The following CNTN5 variants were observed in gnomAD, a reference collection of about 807,000 sequenced individuals.
The protein encoded by CNTN5 is contactin 5.
Under a neutral mutation model 129.1 loss-of-function variants are expected in CNTN5, and 77 were observed. That is an observed-to-expected ratio of 0.60 (90% CI 0.50 to 0.72). The LOEUF (loss-of-function observed/expected upper bound fraction) is 0.72, where lower values mean the gene tolerates loss of function less well. CNTN5 is among the 30% of genes least tolerant of loss of function. The pLI, the probability that CNTN5 is intolerant of heterozygous loss-of-function variation, is 0.00. For missense variants in CNTN5, 1,478 were observed against 1,328.8 expected (o/e 1.11, Z -1.75); for synonymous variants, 509 against 465.6 (o/e 1.09, Z -1.20).
intron 3 of CNTN5, among the ~76,000 whole-genome samples, chr11:99,610,319 G>T (rs1950556740): frequency 6.6e-6 from 1 of 152,102 alleles, no homozygotes; most frequent in African/African-American, 2.4e-5. Context: ...TGGCCCTGAT[G>T]CATCATATTC....
intron 1 of CNTN5, among the ~76,000 whole-genome samples, chr11:99,182,949 A>C (rs1591324184): frequency 6.6e-6 from 1 of 152,182 alleles, no homozygotes; most frequent in East Asian, 1.9e-4. Flanking sequence ...TTAATAGTTT[A>C]TTAGTAGATA....
intron 4 of CNTN5, among the ~76,000 whole-genome samples, chr11:99,843,983 G>A (rs1198159311): frequency 6.6e-6 from 1 of 152,116 alleles, no homozygotes; most frequent in Non-Finnish European, 1.5e-5. Context: ...CTGTACATTT[G>A]CTCATCATTT....
intron 9 of CNTN5, among the ~76,000 whole-genome samples, chr11:100,028,666 T>G (rs967302631): frequency 2.6e-5 from 4 of 152,210 alleles, no homozygotes; most frequent in African/African-American, 4.8e-5. Context: ...GCCCTTCAGC[T>G]TTTCATGGTG....
intron 8 of CNTN5, among the ~76,000 whole-genome samples, chr11:99,986,030 T>C (rs1938651811): frequency 6.6e-6 from 1 of 152,192 alleles, no homozygotes; most frequent in Non-Finnish European, 1.5e-5. Flanking sequence ...TGAAAGCCTC[T>C]TTTCCATTCA....
chr11:100,139,327 C>G (rs1335178192), intron 13 of CNTN5, among the ~76,000 whole-genome samples: 1 of 151,938 alleles, frequency 6.6e-6, no homozygotes, highest in Non-Finnish European at 1.5e-5. Flanking sequence ...ATAAAAATAT[C>G]AGAAAAAGAA....
In CNTN5 at chr11:99,854,540, A is replaced by G. The variant is rs547522844; in HGVS notation, c.577+9278A>G. Among the ~76,000 whole-genome samples, 77 of 152,304 alleles carry G rather than the reference A, an allele frequency of 5.1e-4. 2 individuals carry two copies. The South Asian group carries it at 0.016, about 31-fold the overall frequency. The stretch of plus-strand genomic sequence containing the variant: ...AATGAATAGGTGGTGGTGGGAGTAT[A>G]AAAACATATGGAGGAGTTAGAATGA... On this transcript the variant is annotated intron_variant, in intron 6 of 24. Transcript: ENST00000524871.
At chr11:99,797,486 A>G (rs1945982536) in intron 3 of CNTN5, among the ~76,000 whole-genome samples, 1 of 152,096 alleles carries the variant, frequency 6.6e-6, no homozygotes, top group Non-Finnish European at 1.5e-5. Context: ...CTTGTGTGAG[A>G]TGGTGTTTCA....
intron 6 of CNTN5, among the ~76,000 whole-genome samples, chr11:99,857,954 AAATG>A (rs1478952702): frequency 1.3e-5 from 2 of 152,132 alleles, no homozygotes; most frequent in African/African-American, 4.8e-5. Context: ...AGTTTTTTGA[AAATG>A]TATGTGCAAA....
intron 16 of CNTN5, among the ~76,000 whole-genome samples, chr11:100,255,468 A>T (rs1479642299): frequency 6.6e-6 from 1 of 152,126 alleles, no homozygotes; most frequent in East Asian, 1.9e-4. Flanking sequence ...TGGCATTCAC[A>T]TCTTTGTGTT....
chr11:99,946,529 G>T (rs1250252470), intron 7 of CNTN5, among the ~76,000 whole-genome samples: 1 of 152,024 alleles, frequency 6.6e-6, no homozygotes, highest in Non-Finnish European at 1.5e-5. Flanking sequence ...GACAGTATGG[G>T]AACTGACCAA....
At chr11:100,101,164 T>G (rs1223623031) in intron 13 of CNTN5, among the ~76,000 whole-genome samples, 2 of 152,124 alleles carry the variant, frequency 1.3e-5, no homozygotes, top group Non-Finnish European at 2.9e-5. Context: ...AATGGAGATT[T>G]GCATCAACTT....
chr11:99,923,048 GAA>G (rs1329184489), intron 7 of CNTN5, among the ~76,000 whole-genome samples: 1 of 152,096 alleles, frequency 6.6e-6, no homozygotes, highest in Non-Finnish European at 1.5e-5. Context: ...ACACATCAGA[GAA>G]TATTAAAAAT....
intron 1 of CNTN5, among the ~76,000 whole-genome samples, chr11:99,033,517 T>A (rs1200825707): frequency 6.6e-6 from 1 of 152,180 alleles, no homozygotes; most frequent in Non-Finnish European, 1.5e-5. Context: ...GGTATTTTAT[T>A]CTCTTTGAAG....
At chr11:100,030,738 T>G (rs1021919115) in intron 9 of CNTN5, among the ~76,000 whole-genome samples, 1 of 152,200 alleles carries the variant, frequency 6.6e-6, no homozygotes, top group African/African-American at 2.4e-5. Flanking sequence ...TCAGTTTACT[T>G]ACTTATAAAA....
intron 2 of CNTN5, among the ~76,000 whole-genome samples, chr11:99,479,277 A>G (rs1376038088): frequency 6.8e-6 from 1 of 147,220 alleles, no homozygotes; most frequent in Admixed American, 6.8e-5. Context: ...TTTTTTTTTT[A>G]CTATTTTATA....
At chr11:99,983,817 A>G (rs2137373387) in intron 8 of CNTN5, among the ~76,000 whole-genome samples, 1 of 152,316 alleles carries the variant, frequency 6.6e-6, no homozygotes, top group Middle Eastern at 3.4e-3. Flanking sequence ...CAAAGGATAA[A>G]TTAGGAAGGC....
chr11:99,754,436 C>A (rs547478678), intron 3 of CNTN5, among the ~76,000 whole-genome samples: 2 of 152,126 alleles, frequency 1.3e-5, no homozygotes, highest in South Asian at 4.1e-4. Flanking sequence ...AAGTTTTAGC[C>A]ATCTCTCTTA....
chr11:100,292,056 A>C (rs1020118078), intron 18 of CNTN5, among the ~76,000 whole-genome samples: 2 of 151,990 alleles, frequency 1.3e-5, no homozygotes, highest in African/African-American at 4.8e-5. Flanking sequence ...AAAAAAATTT[A>C]ATCTCACATC....
At chr11:100,312,713 AC>A (rs1479854934) in intron 21 of CNTN5, among the ~76,000 whole-genome samples, 1 of 152,074 alleles carries the variant, frequency 6.6e-6, no homozygotes, top group Non-Finnish European at 1.5e-5. Context: ...CCTATGAGTC[AC>A]TTTTCTAGCC....
Sources: gnomAD v4.1 joint callset for allele counts (sites outside exome capture counted in the v4.1 genomes callset) on GRCh38, gnomAD v4.1.1 for gene constraint, MANE v1.5 for transcripts, NCBI Gene and HGNC (gene_info 2026-07-23, HGNC 2026-07-21) for gene names.